Variants in LMO7 observed in about 807,000 individuals in gnomAD.
The protein encoded by LMO7 is LIM domain only protein 7.
Under a neutral mutation model 206.5 loss-of-function variants are expected in LMO7, and 120 were observed. That is an observed-to-expected ratio of 0.58 (90% CI 0.50 to 0.68). The LOEUF is 0.68. Among genes scored for constraint, LMO7 ranks in the 30% least tolerant of loss-of-function variants. The pLI is 0.00. For missense variants in LMO7, 1,959 were observed against 1,957.9 expected (o/e 1.00, Z -0.01); for synonymous variants, 706 against 681.5 (o/e 1.04, Z -0.56).
At chr13:75,712,644 C>T (rs2043211335) in intron 1 of LMO7, among the ~76,000 whole-genome samples, 1 of 152,136 alleles carries the variant, frequency 6.6e-6, no homozygotes, top group Non-Finnish European at 1.5e-5. Flanking sequence ...GTCTTCTCCC[C>T]AGGATGTTTC....
At chr13:75,734,186 A>G (rs929099133) in intron 3 of LMO7, among the ~76,000 whole-genome samples, 2 of 152,198 alleles carry the variant, frequency 1.3e-5, no homozygotes, top group South Asian at 2.1e-4. Context: ...CTAGCTTTCA[A>G]ATCAGGATTT....
chr13:75,792,934 A>G (rs1001836501), intron 4 of LMO7, among the ~76,000 whole-genome samples: 5 of 152,172 alleles, frequency 3.3e-5, no homozygotes, highest in Admixed American at 2.6e-4. Flanking sequence ...TGTATTTCCA[A>G]TGATTGTTTT....
At chr13:75,754,876 C>G (rs1237820055) in intron 3 of LMO7, among the ~76,000 whole-genome samples, 5 of 152,200 alleles carry the variant, frequency 3.3e-5, no homozygotes, top group African/African-American at 1.2e-4. Flanking sequence ...ATGCTATTCT[C>G]ATTAACACTC....
intron 10 of LMO7, among the ~76,000 whole-genome samples, chr13:75,808,419 TTAAGACTG>T (rs1202320495): frequency 6.6e-6 from 1 of 152,214 alleles, no homozygotes; most frequent in African/African-American, 2.4e-5. Context: ...TTAGGCCTGT[TTAAGACTG>T]TATATACATA....
At chr13:75,652,752 A>G (rs1224725694) in intron 1 of LMO7, among the ~76,000 whole-genome samples, 2 of 152,044 alleles carry the variant, frequency 1.3e-5, no homozygotes, top group East Asian at 1.9e-4. Flanking sequence ...CACAAGTAAA[A>G]TGCTGCTTTA....
chr13:75,638,642 TTC>T (rs2036212607), intron 1 of LMO7, among the ~76,000 whole-genome samples: 1 of 152,212 alleles, frequency 6.6e-6, no homozygotes, highest in South Asian at 2.1e-4. Context: ...AATTTACATG[TTC>T]AGATACTTTT....
At chr13:75,663,255 T>C (rs1440636369) in intron 1 of LMO7, among the ~76,000 whole-genome samples, 1 of 151,828 alleles carries the variant, frequency 6.6e-6, no homozygotes, top group Non-Finnish European at 1.5e-5. Flanking sequence ...ATTCCATTCT[T>C]TTCCCTGTGT....
Position 75,821,230 on chromosome 13 carries a change from TTGA to T in LMO7, c.2267_2269del (p.Asp756del), listed in dbSNP as rs1470205669. On this transcript the variant is annotated inframe_deletion, in exon 14 of 31. Coordinates refer to ENST00000377534, the MANE Select transcript of LMO7 (RefSeq NM_001306080.2). ...CCGTCAAGAAGGAGAATGTATTCTTTTGATGATGTGCTGGAGGAAGGAAAGCGA... is the reference window on the plus strand; with the variant it reads ...CCGTCAAGAAGGAGAATGTATTCTTTTGATGTGCTGGAGGAAGGAAAGCGA... 25 of 1,613,204 alleles carry T rather than the reference TTGA, an allele frequency of 1.5e-5. No homozygotes were observed. Among genetic ancestry groups the T allele is most frequent in the Non-Finnish European group, 2.1e-5 (25 of 1,179,780 alleles).
rs559222344 is a variant in LMO7, at chr13:75,804,665, G to C, written c.914+124G>C. 2.4e-6 allele frequency: 3 copies of C among 1,231,366 alleles called. No homozygotes were observed. In the East Asian group the frequency reaches 7.2e-5, roughly 30 times the overall value. The allele number at this position is 1,231,366 out of a possible 1,614,324, so 76.3% of individuals were successfully genotyped here. On this transcript the variant is annotated intron_variant, in intron 8 of 30. Coordinates refer to ENST00000377534, the MANE Select transcript of LMO7 (RefSeq NM_001306080.2). ...ATCATATATTAAGCTTGACTAGTGAGAATATTTTTCATCCCTCTATTTTTA... is the reference window on the plus strand; with the variant it reads ...ATCATATATTAAGCTTGACTAGTGACAATATTTTTCATCCCTCTATTTTTA...
intron 2 of LMO7, among the ~76,000 whole-genome samples, chr13:75,723,415 C>T (rs2044194836): frequency 2.0e-5 from 3 of 152,120 alleles, no homozygotes; most frequent in Admixed American, 2.0e-4. Context: ...TGTTCAATGT[C>T]ATCTTCCTTG....
chr13:75,741,601 C>G (rs1484024861), intron 3 of LMO7, among the ~76,000 whole-genome samples: 2 of 152,192 alleles, frequency 1.3e-5, no homozygotes, highest in African/African-American at 4.8e-5. Flanking sequence ...AAATGTAATT[C>G]ATCACATAAA....
intron 4 of LMO7, among the ~76,000 whole-genome samples, chr13:75,791,817 C>T (rs1035732641): frequency 1.3e-5 from 2 of 152,086 alleles, no homozygotes; most frequent in African/African-American, 4.8e-5. Flanking sequence ...AGTTGTTGTT[C>T]TTTGATCATA....
chr13:75,763,352 G>T (rs2048434345), intron 4 of LMO7, among the ~76,000 whole-genome samples: 1 of 152,066 alleles, frequency 6.6e-6, no homozygotes, highest in African/African-American at 2.4e-5. Context: ...AGAATTTCTT[G>T]TTTATTCCCT....
rs371859755 is a variant in LMO7 at position 75,780,456 on chromosome 13, G to A, written c.318-14945G>A. Reference sequence around the variant, plus strand: ...AGAGAAATATGACTCTGTTCCGCCCGGCCCTGCAGGCAGTCAGACTTTATG... The same window carrying A: ...AGAGAAATATGACTCTGTTCCGCCCAGCCCTGCAGGCAGTCAGACTTTATG... On this transcript the variant is annotated intron_variant, in intron 4 of 30. Coordinates refer to ENST00000377534, the MANE Select transcript of LMO7 (RefSeq NM_001306080.2). Among the ~76,000 whole-genome samples, 237 of 152,176 alleles carry A rather than the reference G, an allele frequency of 1.6e-3. 10 individuals are homozygous for A. In the South Asian group the frequency reaches 0.046, roughly 30 times the overall value.
chr13:75,795,327 G>A, intron 4 of LMO7, 74 bp from the exon 5 acceptor site: 1 of 956,574 alleles, frequency 1.0e-6, no homozygotes, highest in Non-Finnish European at 1.6e-6. Flanking sequence ...GAATAAAAAT[G>A]AGTTTTTTTC....
rs766012567 is a variant in LMO7 at position 75,840,097 on chromosome 13, C to T, written c.3464C>T (p.Ser1155Leu). The T allele has an allele frequency of 2.1e-5, 34 of 1,613,662 alleles. No homozygotes were observed. The highest frequency in any genetic ancestry group is 2.5e-5 in the Non-Finnish European group (30 of 1,179,826). ...SQFFEQGSSD[S>L]VVPDLPVPTI... ...TGCTGCAACACAGGAAGCTCTGATT[C>T]GGTGGTTCCTGATGTAAGTAGCATT... Residue 1155 changes from serine (S) to leucine (L), a missense_variant, in exon 21 of 31, where the codon TCG (serine) becomes TTG (leucine). By Grantham distance (145) the Ser-to-Leu change is moderately radical. Transcript: ENST00000377534.
rs2044753388 is a variant in LMO7 at position 75,728,717 on chromosome 13, T to C, written c.210+1619T>C. On this transcript the variant is annotated intron_variant, in intron 3 of 30. Transcript: ENST00000377534. ...TCCTTGCCCATGCCTATATCCTGAA[T>C]GGTAATGCCTAGGTTTTCTTCTAGG... 3.8e-5 allele frequency among the ~76,000 whole-genome samples: 5 copies of C among 133,174 alleles called. No individual in the cohort carries two copies. In the South Asian group the frequency reaches 1.2e-3, roughly 32 times the overall value. 87.4% of individuals were successfully genotyped at this position (133,174 alleles called of 152,430 possible). A position where few individuals can be genotyped will look rare whatever the true frequency, so the allele number is the denominator to read the frequency against.
chr13:75,782,912 G>A (rs924312034), intron 4 of LMO7, among the ~76,000 whole-genome samples: 1 of 152,178 alleles, frequency 6.6e-6, no homozygotes, highest in Non-Finnish European at 1.5e-5. Context: ...AATCACATTT[G>A]TAAAGTCCTT....
chr13:75,636,234 A>G, upstream of LMO7: 1 of 955,810 alleles, frequency 1.0e-6, no homozygotes, highest in Non-Finnish European at 1.3e-6. Flanking sequence ...GGGCAGACGG[A>G]AGCGGCGACT....
Sources: gnomAD v4.1 joint callset for allele counts (sites outside exome capture counted in the v4.1 genomes callset) on GRCh38, gnomAD v4.1.1 for gene constraint, MANE v1.5 for transcripts, NCBI Gene and HGNC (gene_info 2026-07-23, HGNC 2026-07-21) for gene names.